The following SLC28A1 variants were observed in gnomAD, a reference collection of about 807,000 sequenced individuals.
SLC28A1 encodes the protein sodium/nucleoside cotransporter 1.
SLC28A1 carries 64 observed loss-of-function variants against 74.8 expected under a neutral mutation model. The ratio of observed to expected loss-of-function variants is 0.86; its 90% CI spans 0.70 to 1.05. SLC28A1 has a LOEUF of 1.05. Among genes scored for constraint, SLC28A1 ranks in the 50% least tolerant of loss-of-function variants. SLC28A1 has a pLI of 0.00. For missense variants in SLC28A1, 828 were observed against 822.8 expected (o/e 1.01, Z -0.08); for synonymous variants, 359 against 335.0 (o/e 1.07, Z -0.78).
At chr15:84,892,573 T>C (rs763609729) in intron 5 of SLC28A1, among the ~76,000 whole-genome samples, 6 of 152,258 alleles carry the variant, frequency 3.9e-5, no homozygotes, top group African/African-American at 7.2e-5. Context: ...ATCTGAATCA[T>C]TGAATGATCC....
At chr15:84,957,576 A>C in the SLC28A1 span, among the ~76,000 whole-genome samples, 1 of 152,140 alleles carries the variant, frequency 6.6e-6, no homozygotes, top group East Asian at 1.9e-4. Flanking sequence ...CGACAACACT[A>C]TTCTCTCTGA....
At chr15:84,941,733 G>A (rs1350099177) in intron 15 of SLC28A1, among the ~76,000 whole-genome samples, 5 of 152,178 alleles carry the variant, frequency 3.3e-5, no homozygotes, top group African/African-American at 1.2e-4. Context: ...TTAGCCAGGT[G>A]TGGTAACACA....
chr15:84,965,894 G>C, the SLC28A1 span, among the ~76,000 whole-genome samples: 1 of 148,486 alleles, frequency 6.7e-6, no homozygotes, highest in African/African-American at 2.5e-5. Context: ...AAGCTGGAGG[G>C]AGGCGGGGAG....
chr15:84,965,910 GGA>G, the SLC28A1 span, among the ~76,000 whole-genome samples: 7 of 148,348 alleles, frequency 4.7e-5, no homozygotes, highest in African/African-American at 1.8e-4. Context: ...GGGAGGGGGG[GGA>G]AATATTAGGC....
At chr15:84,886,070 G>A (rs1021113815) in intron 1 of SLC28A1, 2 of 881,222 alleles carry the variant, frequency 2.3e-6, no homozygotes, top group African/African-American at 1.8e-5. Flanking sequence ...TGAGTTTAAT[G>A]TTTAGTGTGA....
chr15:84,952,712 C>A, the SLC28A1 span, among the ~76,000 whole-genome samples: 2 of 152,076 alleles, frequency 1.3e-5, no homozygotes, highest in Non-Finnish European at 2.9e-5. Context: ...ATGGTGAAAC[C>A]AAGTCTCTAC....
intron 12 of SLC28A1, among the ~76,000 whole-genome samples, chr15:84,931,924 C>T (rs932998644): frequency 2.0e-5 from 3 of 151,994 alleles, no homozygotes; most frequent in Admixed American, 6.6e-5. Flanking sequence ...ATTGCTTAAA[C>T]CCAGGAGGCG....
intron 5 of SLC28A1, among the ~76,000 whole-genome samples, chr15:84,892,096 G>T (rs191260482): frequency 1.2e-4 from 19 of 152,212 alleles, no homozygotes; most frequent in African/African-American, 4.6e-4. Context: ...CAGCACTTTG[G>T]GAGGATGTAG....
rs1219860270 is a variant in SLC28A1, at chr15:84,895,997, G to A, written c.461+874G>A. On this transcript the variant is annotated intron_variant, in intron 6 of 18. Transcript: ENST00000394573. ...AATTTTATTTATAAATACATTTACTGTTACATTTGACTTCTCTTTATTAAA... is the reference window on the plus strand; with the variant it reads ...AATTTTATTTATAAATACATTTACTATTACATTTGACTTCTCTTTATTAAA... 8.6e-6 allele frequency: 8 copies of A among 933,894 alleles called. No individual in the cohort carries two copies. The East Asian group carries it at 8.2e-4, about 95-fold the overall frequency. The allele number at this position is 933,894 out of a possible 1,614,324, so 57.9% of individuals were successfully genotyped here.
chr15:84,904,881 C>CTT (rs1966879259), intron 7 of SLC28A1, among the ~76,000 whole-genome samples: 2 of 152,254 alleles, frequency 1.3e-5, no homozygotes, highest in African/African-American at 4.8e-5. Context: ...CAGATGGAAT[C>CTT]TTCTCTCTCT....
intron 4 of SLC28A1, among the ~76,000 whole-genome samples, chr15:84,889,718 TTCC>T: frequency 4.7e-5 from 2 of 42,726 alleles, no homozygotes; most frequent in Middle Eastern, 0.011. Flanking sequence ...CTTTCCTTCC[TTCC>T]TTCCTTCCTT....
intron 1 of SLC28A1, chr15:84,886,285 C>T: frequency 3.0e-6 from 3 of 984,924 alleles, no homozygotes; most frequent in African/African-American, 1.7e-5. Context: ...AATAAATCCC[C>T]ATCTAGTGAG....
the SLC28A1 span, among the ~76,000 whole-genome samples, chr15:84,970,679 T>A: frequency 3.3e-5 from 5 of 152,060 alleles, no homozygotes; most frequent in South Asian, 2.1e-4. Flanking sequence ...AGAATCTGAT[T>A]CTCTGTGAAA....
intron 9 of SLC28A1, among the ~76,000 whole-genome samples, chr15:84,913,043 T>G (rs1968576465): frequency 6.6e-6 from 1 of 151,852 alleles, no homozygotes; most frequent in African/African-American, 2.4e-5. Flanking sequence ...GAAATGGGAA[T>G]GAGGGGCAAA....
At position 84,945,670 on chromosome 15, in the gene SLC28A1, C is replaced by T. The variant is rs910216075; in HGVS notation, c.*470C>T. ...TCTCTGCTTTCAGAGAAACCCTTCC[C>T]GCCTTTCCTCAGAGTGCTTCCCAAA... On this transcript the variant is annotated 3_prime_UTR_variant, in exon 19 of 19. Transcript: ENST00000394573. The T allele has an allele frequency of 1.2e-5, 3 of 241,300 alleles. No homozygotes were observed. Among genetic ancestry groups the T allele is most frequent in the African/African-American group, 2.2e-5 (1 of 44,906 alleles). The allele number at this position is 241,300 out of a possible 1,614,324, so 14.9% of individuals were successfully genotyped here.
intron 12 of SLC28A1, among the ~76,000 whole-genome samples, chr15:84,926,287 C>G (rs895740271): frequency 6.6e-6 from 1 of 151,796 alleles, no homozygotes; most frequent in African/African-American, 2.4e-5. Context: ...TAGCCTCAAA[C>G]TCCTGGACTC....
intron 12 of SLC28A1, among the ~76,000 whole-genome samples, chr15:84,924,708 G>A (rs539495545): frequency 9.2e-5 from 14 of 152,324 alleles, no homozygotes; most frequent in African/African-American, 3.4e-4. Flanking sequence ...ATAATGCCCG[G>A]TAATAATGCT....
chr15:84,933,321 G>T (rs80124540), intron 13 of SLC28A1, 46 bp downstream of exon 13: 48 of 1,599,622 alleles, frequency 3.0e-5, no homozygotes, highest in African/African-American at 2.3e-4. Flanking sequence ...GGTACAAGGT[G>T]GGGGGAGCAA....
chr15:84,889,615 G>T (rs573223183), intron 4 of SLC28A1, among the ~76,000 whole-genome samples: 1 of 152,124 alleles, frequency 6.6e-6, no homozygotes, highest in South Asian at 2.1e-4. Flanking sequence ...GGGAGGGGAG[G>T]CAGCCATCCA....
Sources: gnomAD v4.1 joint callset for allele counts (sites outside exome capture counted in the v4.1 genomes callset) on GRCh38, gnomAD v4.1.1 for gene constraint, MANE v1.5 for transcripts, NCBI Gene and HGNC (gene_info 2026-07-23, HGNC 2026-07-21) for gene names.